Variants in SANBR observed in about 807,000 individuals in gnomAD.
SANBR encodes SANT and BTB domain regulator of class switch recombination.
In SANBR, 77 loss-of-function variants were observed where a neutral mutation model predicts 101.8. The ratio of observed to expected loss-of-function variants is 0.76; its 90% confidence interval spans 0.63 to 0.91. SANBR has a LOEUF of 0.91. SANBR is among the 40% of genes least tolerant of loss of function. SANBR has a pLI of 0.00. For synonymous variants in SANBR, 279 were observed against 274.7 expected, an observed-to-expected ratio of 1.02 and a Z score of -0.15; for missense variants, 875 against 853.0, an observed-to-expected ratio of 1.03 and a Z score of -0.32.
At chr2:61,130,110 C>T (rs1684641020) in intron 20 of SANBR, among the ~76,000 whole-genome samples, 1 of 152,160 alleles carries the variant, frequency 6.6e-6, no homozygotes, top group South Asian at 2.1e-4. Context: ...TGCTTCCTAT[C>T]TTTTCTGTTT....
intron 8 of SANBR, among the ~76,000 whole-genome samples, chr2:61,084,833 C>G (rs542629550): frequency 6.6e-6 from 1 of 152,122 alleles, no homozygotes; most frequent in South Asian, 2.1e-4. Context: ...AGGGTTTGCA[C>G]TAGGGTAGAA....
At chr2:61,103,064 C>T (rs545563019) in intron 12 of SANBR, among the ~76,000 whole-genome samples, 1 of 151,504 alleles carries the variant, frequency 6.6e-6, no homozygotes, top group Non-Finnish European at 1.5e-5. Flanking sequence ...TGCAGTGAAA[C>T]ACTATACATT....
At chr2:61,132,102 C>T (rs149315337) in intron 20 of SANBR, among the ~76,000 whole-genome samples, 1 of 144,854 alleles carries the variant, frequency 6.9e-6, no homozygotes, top group African/African-American at 2.6e-5. Flanking sequence ...TCTTCGTGAC[C>T]TTGGATTTGG....
At chr2:61,112,230 A>C (rs1453829830) in intron 16 of SANBR, among the ~76,000 whole-genome samples, 1 of 152,240 alleles carries the variant, frequency 6.6e-6, no homozygotes, top group Non-Finnish European at 1.5e-5. Context: ...CTGCACATTC[A>C]CATCAATACT....
chr2:61,137,283 T>C (rs1406376014), intron 21 of SANBR, among the ~76,000 whole-genome samples: 1 of 151,762 alleles, frequency 6.6e-6, no homozygotes, highest in East Asian at 2.0e-4. Flanking sequence ...AGACCCTGTC[T>C]AAATAATAAT....
intron 12 of SANBR, among the ~76,000 whole-genome samples, chr2:61,101,817 AC>A (rs1683300335): frequency 1.3e-5 from 2 of 151,882 alleles, no homozygotes; most frequent in Non-Finnish European, 2.9e-5. Flanking sequence ...TGGGCGGACC[AC>A]CTGAGGTCAG....
Position 61,118,128 on chromosome 2 carries a change from G to A in SANBR, c.2028+12G>A, listed in dbSNP as rs1684165494. ...AGGAAGCAAAAGAAGTAAGAATTGT[G>A]TACTAGTGTATTGTACTTGTGTAAA... is the stretch of plus-strand genomic sequence containing the variant. On this transcript the variant is annotated intron_variant, in intron 20 of 21. Coordinates refer to ENST00000402291, the MANE Select transcript of SANBR (RefSeq NM_001129993.3). 2 of 1,573,222 alleles carry A rather than the reference G, an allele frequency of 1.3e-6. No individual in the cohort carries two copies. The highest frequency in any genetic ancestry group is 1.7e-6 in the Non-Finnish European group (2 of 1,145,028).
intron 16 of SANBR, among the ~76,000 whole-genome samples, chr2:61,109,853 A>G (rs922587038): frequency 2.6e-5 from 4 of 151,736 alleles, no homozygotes; most frequent in South Asian, 2.1e-4. Context: ...GGGTTTCACA[A>G]TGTTGATCAG....
Position 61,091,506 on chromosome 2 carries a change from A to G in SANBR, c.1089-958A>G, listed in dbSNP as rs187331122. 4.9e-3 allele frequency among the ~76,000 whole-genome samples: 740 copies of G among 152,110 alleles called. 3 individuals carry two copies. The highest frequency in any genetic ancestry group is 0.017 in the African/African-American group (706 of 41,484). On this transcript the variant is annotated intron_variant, in intron 10 of 21. Transcript: ENST00000402291. The stretch of plus-strand genomic sequence containing the variant: ...CTCCTCGGGAGGCTGAGGCAGGAGA[A>G]TCGCTTGAACCCAGCAGGGCAGAGG...
chr2:61,077,312 T>C (rs544651983), intron 6 of SANBR, among the ~76,000 whole-genome samples, 154 bp downstream of exon 6: 1 of 152,328 alleles, frequency 6.6e-6, no homozygotes, highest in East Asian at 1.9e-4. Context: ...CCTCATCTTT[T>C]TTAGTAAATT....
intron 17 of SANBR, among the ~76,000 whole-genome samples, chr2:61,116,365 A>C (rs1259964776): frequency 6.6e-6 from 1 of 152,204 alleles, no homozygotes; most frequent in East Asian, 1.9e-4. Flanking sequence ...TAAGAACTCG[A>C]TAAAATTGGT....
rs1387984412 is a variant in SANBR, at chr2:61,124,027, G to C, written c.*1865G>C. The stretch of plus-strand genomic sequence containing the variant: ...AAGAATTGTTTGAACCCGGGTGGCA[G>C]AGGTTGCAGTGAGCTGAGATCATGT... On this transcript the variant is annotated 3_prime_UTR_variant, in exon 22 of 22. Coordinates refer to ENST00000402291, the MANE Select transcript of SANBR (RefSeq NM_001129993.3). 1 of 484,196 alleles carries C rather than the reference G, an allele frequency of 2.1e-6. No homozygotes were observed. The highest frequency in any genetic ancestry group is 2.1e-5 in the African/African-American group (1 of 47,446). The allele number at this position is 484,196 out of a possible 1,614,324, so 30.0% of individuals were successfully genotyped here. A position where few individuals can be genotyped will look rare whatever the true frequency, so the allele number is the denominator to read the frequency against.
At chr2:61,125,982 C>T (rs1416159139), downstream of SANBR, among the ~76,000 whole-genome samples, 1 of 152,220 alleles carries the variant, frequency 6.6e-6, no homozygotes, top group Non-Finnish European at 1.5e-5. Flanking sequence ...CTGGCAGCTT[C>T]TTCAGACTGA....
chr2:61,133,298 CTGCATAATGGATGTG>C (rs1684744824), intron 20 of SANBR, among the ~76,000 whole-genome samples: 1 of 151,848 alleles, frequency 6.6e-6, no homozygotes, highest in South Asian at 2.1e-4. Flanking sequence ...GAAAATGTGA[CTGCATAATGGATGTG>C]TGCATAATGG....
chr2:61,083,998 G>A (rs150348981), intron 8 of SANBR, among the ~76,000 whole-genome samples: 14 of 151,600 alleles, frequency 9.2e-5, no homozygotes, highest in African/African-American at 2.4e-4. Flanking sequence ...TCTCTCTGTC[G>A]CCCAGGCTGG....
chr2:61,115,460 A>G (rs7584331), intron 16 of SANBR, among the ~76,000 whole-genome samples: 9,533 of 151,784 alleles, frequency 0.063, 1,035 homozygotes, highest in African/African-American at 0.22. Context: ...AGTCTCCCGA[A>G]TAGCTGGGAT....
At chr2:61,116,751 A>G (rs1210356244) in intron 17 of SANBR, among the ~76,000 whole-genome samples, 3 of 151,330 alleles carry the variant, frequency 2.0e-5, no homozygotes, top group Admixed American at 6.6e-5. Flanking sequence ...GGTTAATTCT[A>G]AAAAAAAATT....
At chr2:61,068,438 A>G (rs1681292705) in intron 1 of SANBR, among the ~76,000 whole-genome samples, 1 of 152,186 alleles carries the variant, frequency 6.6e-6, no homozygotes, top group Admixed American at 6.5e-5. Context: ...AAATAATAGT[A>G]ATAATTTATT....
chr2:61,102,767 G>A (rs1472591605), intron 12 of SANBR, among the ~76,000 whole-genome samples: 2 of 151,930 alleles, frequency 1.3e-5, no homozygotes, highest in South Asian at 2.1e-4. Flanking sequence ...CGAACTCTTA[G>A]CCTCAAGTGA....
Sources: gnomAD v4.1 joint callset for allele counts (sites outside exome capture counted in the v4.1 genomes callset) on GRCh38, gnomAD v4.1.1 for gene constraint, MANE v1.5 for transcripts, NCBI Gene and HGNC (gene_info 2026-07-23, HGNC 2026-07-21) for gene names.